RNF212B: variants seen among roughly 807,000 people sequenced by gnomAD.
RNF212B encodes the protein E3 ubiquitin-protein ligase RNF212B.
In RNF212B, 52 loss-of-function variants were observed where a neutral mutation model predicts 55.5. The observed-to-expected ratio is 0.94, with a 90% confidence interval of 0.75 to 1.18. The LOEUF (loss-of-function observed/expected upper bound fraction) is 1.18, where lower values mean the gene tolerates loss of function less well. RNF212B is among the 50% of genes most tolerant of loss of function. The probability of loss-of-function intolerance (pLI) is 0.00; values close to 1 mark genes in which losing one functional copy is unlikely to be tolerated. For synonymous variants in RNF212B, 99 were observed against 121.4 expected (o/e 0.82, Z 1.21); for missense variants, 289 against 350.4 (o/e 0.82, Z 1.40).
At chr14:23,232,327 C>T (rs562878403) in intron 2 of RNF212B, among the ~76,000 whole-genome samples, 1,744 of 146,170 alleles carry the variant, frequency 0.012, 37 homozygotes, top group African/African-American at 0.04. Context: ...CGTCTCTGCC[C>T]GGCTGCCCTG....
intron 1 of RNF212B, among the ~76,000 whole-genome samples, chr14:23,187,850 A>C (rs1264906157): frequency 6.6e-6 from 1 of 152,200 alleles, no homozygotes; most frequent in African/African-American, 2.4e-5. Context: ...ATGGTCGATT[A>C]GATGGGGCCT....
At chr14:23,222,306 A>G (rs1168968809) in intron 2 of RNF212B, among the ~76,000 whole-genome samples, 1 of 152,158 alleles carries the variant, frequency 6.6e-6, no homozygotes, top group Non-Finnish European at 1.5e-5. Context: ...AAAAGGAGAC[A>G]TAACTAATAC....
upstream of RNF212B, among the ~76,000 whole-genome samples, chr14:23,237,689 C>T (rs115178154): frequency 2.1e-3 from 314 of 152,284 alleles, 1 homozygote; most frequent in African/African-American, 7.2e-3. Flanking sequence ...TTTGTTTCCA[C>T]AGTAACATGT....
intron 2 of RNF212B, among the ~76,000 whole-genome samples, chr14:23,196,713 A>G (rs1168756059): frequency 6.6e-6 from 1 of 152,150 alleles, no homozygotes; most frequent in African/African-American, 2.4e-5. Flanking sequence ...AAGTGCTGGG[A>G]TTACAGGCAT....
intron 2 of RNF212B, among the ~76,000 whole-genome samples, chr14:23,213,024 T>A (rs1373246528): frequency 6.6e-6 from 1 of 151,954 alleles, no homozygotes; most frequent in South Asian, 2.1e-4. Context: ...CTAAAAATTA[T>A]AACACAGGCC....
upstream of RNF212B, among the ~76,000 whole-genome samples, chr14:23,237,177 T>C (rs1352939578): frequency 1.3e-5 from 2 of 151,594 alleles, no homozygotes; most frequent in Admixed American, 6.6e-5. Flanking sequence ...TCTCCCAGGC[T>C]GAAGTGCAGT....
At chr14:23,259,324 G>A (rs1379469128) in intron 5 of RNF212B, 2 of 150,450 alleles carry the variant, frequency 1.3e-5, no homozygotes, top group Non-Finnish European at 2.9e-5. Flanking sequence ...AAGTAGCTGG[G>A]ACTACAAGTG....
intron 1 of RNF212B, among the ~76,000 whole-genome samples, chr14:23,187,811 T>C (rs1354742857): frequency 6.6e-6 from 1 of 152,196 alleles, no homozygotes; most frequent in East Asian, 1.9e-4. Context: ...AAGCCAACTT[T>C]CTTCCCAGAG....
At chr14:23,208,112 T>C (rs1880028401) in intron 2 of RNF212B, among the ~76,000 whole-genome samples, 1 of 152,198 alleles carries the variant, frequency 6.6e-6, no homozygotes, top group Non-Finnish European at 1.5e-5. Flanking sequence ...AGCTTAGTGA[T>C]TTGGGGGCCC....
rs371023359 is a variant in RNF212B, at chr14:23,222,823, C to CG, written c.-1-17516dup. Among the ~76,000 whole-genome samples, 1,323 of 152,022 alleles carry CG rather than the reference C, an allele frequency of 8.7e-3. 25 individuals carry two copies. The highest frequency in any genetic ancestry group is 0.03 in the African/African-American group (1,252 of 41,478). On this transcript the variant is annotated intron_variant, in intron 2 of 15. Transcript: ENST00000399910. ...ATCCTAGCACTTTGGGAGGCTGAGG[C>CG]GGGGGGATCATCTGAGGTCAGGAGT...
chr14:23,255,294 C>A (rs1245225784), intron 4 of RNF212B, among the ~76,000 whole-genome samples: 1 of 152,150 alleles, frequency 6.6e-6, no homozygotes, highest in Non-Finnish European at 1.5e-5. Context: ...CAAATCAAAG[C>A]CAGTTAATAT....
chr14:23,195,069 G>A (rs1316735059), intron 2 of RNF212B, among the ~76,000 whole-genome samples: 1 of 152,068 alleles, frequency 6.6e-6, no homozygotes, highest in South Asian at 2.1e-4. Flanking sequence ...GAAAATGAAC[G>A]AAATAACTCG....
intron 2 of RNF212B, among the ~76,000 whole-genome samples, chr14:23,223,521 AT>A (rs1035149002): frequency 6.6e-6 from 1 of 151,904 alleles, no homozygotes; most frequent in Non-Finnish European, 1.5e-5. Context: ...AGCCCGGCTA[AT>A]TTTTTTGTAT....
chr14:23,255,524 A>G (rs1884766735), intron 4 of RNF212B, among the ~76,000 whole-genome samples: 1 of 152,164 alleles, frequency 6.6e-6, no homozygotes, highest in Admixed American at 6.6e-5. Flanking sequence ...TATCCAGACA[A>G]TGTTAAGTGT....
intron 5 of RNF212B, 30 bp from the exon 6 acceptor site, chr14:23,259,854 T>C: frequency 7.4e-7 from 1 of 1,356,618 alleles, no homozygotes; most frequent in Non-Finnish European, 9.9e-7. Flanking sequence ...CCTGATTTGC[T>C]GGAGCTGATT....
At chr14:23,270,790 T>A in intron 14 of RNF212B, 129 bp downstream of exon 14, 2 of 655,058 alleles carry the variant, frequency 3.1e-6, no homozygotes, top group Non-Finnish European at 5.5e-6. Context: ...GGTAACTATA[T>A]GTTCACAATC....
chr14:23,263,931 T>C (rs1187749169), intron 9 of RNF212B, among the ~76,000 whole-genome samples: 1 of 152,024 alleles, frequency 6.6e-6, no homozygotes. Flanking sequence ...CTACTAAAAA[T>C]ACAAAACTTA....
chr14:23,261,949 C>A (rs1180272607), intron 7 of RNF212B, among the ~76,000 whole-genome samples: 3 of 150,882 alleles, frequency 2.0e-5, no homozygotes, highest in Non-Finnish European at 4.4e-5. Context: ...GCCTGGGTGA[C>A]AGAGTGGGAC....
chr14:23,245,729 T>A (rs1047992887), intron 4 of RNF212B, among the ~76,000 whole-genome samples: 1 of 152,240 alleles, frequency 6.6e-6, no homozygotes, highest in Non-Finnish European at 1.5e-5. Context: ...TTTCAAATAG[T>A]AGCCCCAACA....
Sources: gnomAD v4.1 joint callset for allele counts (sites outside exome capture counted in the v4.1 genomes callset) on GRCh38, gnomAD v4.1.1 for gene constraint, MANE v1.5 for transcripts, NCBI Gene and HGNC (gene_info 2026-07-23, HGNC 2026-07-21) for gene names.